The following MSH4 variants were observed in gnomAD, a reference collection of about 807,000 sequenced individuals.
The protein encoded by MSH4 is mutS homolog 4, also known as mutS protein homolog 4.
Under a neutral mutation model 113.7 loss-of-function variants are expected in MSH4, and 106 were observed. The observed-to-expected ratio is 0.93, with a 90% CI of 0.80 to 1.10. The LOEUF is 1.10. Among genes scored for constraint, MSH4 ranks in the 50% least tolerant of loss-of-function variants. The probability of loss-of-function intolerance (pLI) is 0.00; values close to 1 mark genes in which losing one functional copy is unlikely to be tolerated. For synonymous variants in MSH4, 368 were observed against 380.2 expected (o/e 0.97, Z 0.37); for missense variants, 1,061 against 1,093.7 (o/e 0.97, Z 0.42).
intron 19 of MSH4, among the ~76,000 whole-genome samples, chr1:75,904,656 A>C (rs1652581292): frequency 6.6e-6 from 1 of 152,044 alleles, no homozygotes; most frequent in Admixed American, 6.6e-5. Context: ...GACCACAGGT[A>C]CACACCACCA....
At chr1:75,804,642 C>T (rs1650017767) in intron 2 of MSH4, among the ~76,000 whole-genome samples, 1 of 150,634 alleles carries the variant, frequency 6.6e-6, no homozygotes, top group Admixed American at 6.6e-5. Flanking sequence ...TCCTGAGTAG[C>T]TGGGACTACA....
intron 19 of MSH4, among the ~76,000 whole-genome samples, chr1:75,906,526 T>A (rs866218291): frequency 1.2e-4 from 4 of 33,484 alleles, no homozygotes; most frequent in Non-Finnish European, 1.6e-4. Context: ...TATGTATATA[T>A]TATATATAAT....
intron 15 of MSH4, among the ~76,000 whole-genome samples, chr1:75,886,790 A>G (rs1047563016): frequency 7.4e-6 from 1 of 135,742 alleles, no homozygotes; most frequent in Non-Finnish European, 1.5e-5. Flanking sequence ...TACCTTATAT[A>G]TACTAAACAG....
At chr1:75,883,861 C>T in intron 15 of MSH4, 40 bp downstream of exon 15, 1 of 1,542,490 alleles carries the variant, frequency 6.5e-7, no homozygotes, top group Non-Finnish European at 8.8e-7. Flanking sequence ...GTTTTACACT[C>T]TTTTCAGAAT....
chr1:75,896,392 CA>C (rs1557529476), intron 17 of MSH4, among the ~76,000 whole-genome samples: 1 of 133,962 alleles, frequency 7.5e-6, no homozygotes, highest in African/African-American at 2.7e-5. Context: ...CACACACACA[CA>C]CCCTATTGGT....
In MSH4 at chr1:75,797,205, G is replaced by A. The variant is rs1487084517; in HGVS notation, c.220G>A (p.Ala74Thr). ...SSSSSSLPCP[A>T]PNSRPAQGSY... ...CAGCAGCAGCAGCCTTCCCTGCCCCGCGCCAAACTCCCGGCCAGCTCAAGG... is the reference window on the plus strand; with the variant it reads ...CAGCAGCAGCAGCCTTCCCTGCCCCACGCCAAACTCCCGGCCAGCTCAAGG... The change falls in exon 1 of 20, where the codon GCG becomes ACG. Residue 74 changes from alanine to threonine, a missense_variant. By Grantham distance (58) the Ala-to-Thr change is moderately conservative. Transcript: ENST00000263187. 35 of 1,605,908 alleles carry A rather than the reference G, an allele frequency of 2.2e-5. No individual in the cohort carries two copies. The highest frequency in any genetic ancestry group is 2.5e-5 in the Non-Finnish European group (29 of 1,176,524).
chr1:75,815,121 T>G lies in MSH4; in HGVS notation c.800T>G (p.Met267Arg). 6.4e-7 allele frequency: 1 copy of G among 1,561,054 alleles called. No individual in the cohort carries two copies. The highest frequency in any genetic ancestry group is 1.4e-5 in the African/African-American group (1 of 72,268). ...ATAGCAGAATTCAGCACTGTCCTAA[T>G]GGAGGTTCAGTCCAAGTAAGTTATA... The part of the protein sequence containing the change: ...LCIAEFSTVL[M>R]EVQSKYYCLA... Residue 267 changes from methionine to arginine, a missense_variant, in exon 5 of 20, where the codon ATG becomes AGG. Transcript: ENST00000263187.
chr1:75,858,597 C>G (rs183474348), intron 8 of MSH4, among the ~76,000 whole-genome samples: 1 of 152,036 alleles, frequency 6.6e-6, no homozygotes, highest in Non-Finnish European at 1.5e-5. Flanking sequence ...GAACCAGACT[C>G]GCATCCCAGG....
chr1:75,853,242 T>A (rs1006583721), intron 8 of MSH4, among the ~76,000 whole-genome samples: 1 of 152,068 alleles, frequency 6.6e-6, no homozygotes, highest in Admixed American at 6.5e-5. Context: ...TTTTTGTATT[T>A]TTAGTAGAAA....
chr1:75,865,240 T>C (rs1478351755), intron 8 of MSH4, among the ~76,000 whole-genome samples: 1 of 152,176 alleles, frequency 6.6e-6, no homozygotes, highest in Non-Finnish European at 1.5e-5. Flanking sequence ...AGAACCTATC[T>C]TGAGTTAGTA....
rs138856458 is a variant in MSH4 at position 75,836,650 on chromosome 1, G to C, written c.1163-11559G>C. Among the ~76,000 whole-genome samples the C allele has an allele frequency of 4.6e-3, 698 of 152,252 alleles. 4 individuals carry two copies. The highest frequency in any genetic ancestry group is 0.016 in the African/African-American group (665 of 41,546). On this transcript the variant is annotated intron_variant, in intron 7 of 19. Coordinates refer to ENST00000263187, the MANE Select transcript of MSH4 (RefSeq NM_002440.4). ...CACGTTAGTTCTCTTATTTGAATAAGAGAAATGTCCACAATTTATTTGATA... is the reference window on the plus strand; with the variant it reads ...CACGTTAGTTCTCTTATTTGAATAACAGAAATGTCCACAATTTATTTGATA...
chr1:75,862,139 TG>T (rs1651470189), intron 8 of MSH4, among the ~76,000 whole-genome samples: 1 of 152,138 alleles, frequency 6.6e-6, no homozygotes, highest in African/African-American at 2.4e-5. Context: ...GTGAAGACCG[TG>T]GGAAAAGTGC....
chr1:75,802,218 T>C (rs942923278), intron 1 of MSH4, among the ~76,000 whole-genome samples: 1 of 152,104 alleles, frequency 6.6e-6, no homozygotes, highest in Non-Finnish European at 1.5e-5. Context: ...GTTTACAGTT[T>C]AAGGAGTCGT....
chr1:75,875,491 C>A (rs998179765), intron 9 of MSH4, among the ~76,000 whole-genome samples: 3 of 152,140 alleles, frequency 2.0e-5, no homozygotes, highest in African/African-American at 7.2e-5. Flanking sequence ...AGAGAAATTT[C>A]TATGACAAAA....
chr1:75,802,471 C>T (rs529815547), intron 1 of MSH4, among the ~76,000 whole-genome samples: 1 of 152,218 alleles, frequency 6.6e-6, no homozygotes, highest in East Asian at 1.9e-4. Context: ...GTGAACAGAG[C>T]CCAAACATTT....
intron 8 of MSH4, among the ~76,000 whole-genome samples, chr1:75,861,935 C>T (rs1309990422): frequency 3.9e-5 from 6 of 152,162 alleles, no homozygotes; most frequent in African/African-American, 1.4e-4. Context: ...CTAGCTCGAG[C>T]TTCCCTGCCA....
intron 7 of MSH4, among the ~76,000 whole-genome samples, chr1:75,830,585 G>A (rs1001300222): frequency 6.6e-5 from 10 of 152,160 alleles, no homozygotes; most frequent in South Asian, 2.1e-4. Context: ...GACTAACAGC[G>A]GATCTCCCAG....
Position 75,878,138 on chromosome 1 carries a change from C to A in MSH4, c.1371-11C>A, listed in dbSNP as rs764524591. The A allele has an allele frequency of 1.9e-6, 3 of 1,541,140 alleles. No homozygotes were observed. Among genetic ancestry groups the A allele is most frequent in the South Asian group, 1.2e-5 (1 of 80,430 alleles). On this transcript the variant is annotated splice_polypyrimidine_tract_variant and intron_variant, in intron 10 of 19. Coordinates refer to ENST00000263187, the MANE Select transcript of MSH4 (RefSeq NM_002440.4). Reference sequence around the variant, plus strand: ...TTGCCTATAATGTTTTTCTTTTGGCCTTAATATTAGGTTTGGAATCATACT... The same window carrying A: ...TTGCCTATAATGTTTTTCTTTTGGCATTAATATTAGGTTTGGAATCATACT...
intron 7 of MSH4, among the ~76,000 whole-genome samples, chr1:75,826,808 GCA>G (rs1170911703): frequency 6.6e-6 from 1 of 152,122 alleles, no homozygotes; most frequent in Non-Finnish European, 1.5e-5. Context: ...TAATTTGATT[GCA>G]CTGTGGTCTG....
Sources: allele counts gnomAD v4.1 joint callset (sites outside exome capture counted in the v4.1 genomes callset), GRCh38; gene constraint gnomAD v4.1.1; transcripts MANE v1.5; gene names NCBI Gene and HGNC (gene_info 2026-07-23, HGNC 2026-07-21).